FBXO36: variants seen among roughly 807,000 people sequenced by gnomAD.
FBXO36 encodes the protein F-box protein 36.
FBXO36 carries 18 observed loss-of-function variants against 17.0 expected under a neutral mutation model. The observed-to-expected ratio is 1.06, with a 90% CI of 0.73 to 1.57. The LOEUF (loss-of-function observed/expected upper bound fraction) is 1.57, where lower values mean the gene tolerates loss of function less well. FBXO36 is among the 40% of genes most tolerant of loss of function. The probability of loss-of-function intolerance (pLI) is 0.00; values close to 1 mark genes in which losing one functional copy is unlikely to be tolerated. For synonymous variants in FBXO36, 83 were observed against 85.3 expected, an observed-to-expected ratio of 0.97 and a Z score of 0.15; for missense variants, 229 against 221.9, an observed-to-expected ratio of 1.03 and a Z score of -0.20.
At chr2:229,977,591 C>T (rs779182660) in intron 2 of FBXO36, among the ~76,000 whole-genome samples, 131 of 152,084 alleles carry the variant, frequency 8.6e-4, no homozygotes, top group Admixed American at 7.2e-3. Flanking sequence ...GCTGGGATTA[C>T]GGGTGTACAC....
intron 3 of FBXO36, among the ~76,000 whole-genome samples, chr2:230,003,951 A>C (rs909551800): frequency 1.3e-5 from 2 of 152,062 alleles, no homozygotes; most frequent in African/African-American, 4.8e-5. Context: ...GCCATTTTAC[A>C]TTGTACTCTG....
At chr2:229,940,844 T>A (rs2076994312) in intron 1 of FBXO36, among the ~76,000 whole-genome samples, 1 of 152,116 alleles carries the variant, frequency 6.6e-6, no homozygotes, top group Non-Finnish European at 1.5e-5. Flanking sequence ...GAGAAATAAA[T>A]TCGTGTTGTT....
chr2:229,963,539 G>T (rs1246331315), intron 1 of FBXO36, among the ~76,000 whole-genome samples: 1 of 151,370 alleles, frequency 6.6e-6, no homozygotes, highest in Non-Finnish European at 1.5e-5. Flanking sequence ...CCGCCTCGTG[G>T]GTTCACACCA....
Position 230,011,126 on chromosome 2 carries a change from C to T in FBXO36, c.*242C>T. ...GACAAGGGCTGTAAGACAGGGAGCC[C>T]CATAGGCCATCATCATCCTTATCCC... is the stretch of plus-strand genomic sequence containing the variant. On this transcript the variant is annotated 3_prime_UTR_variant, in exon 4 of 4. Coordinates refer to ENST00000283946, the MANE Select transcript of FBXO36 (RefSeq NM_174899.5). 1 of 439,362 alleles carries T rather than the reference C, an allele frequency of 2.3e-6. No individual in the cohort carries two copies. The highest frequency in any genetic ancestry group is 4.1e-6 in the Non-Finnish European group (1 of 243,040). The allele number at this position is 439,362 out of a possible 1,614,324, so 27.2% of individuals were successfully genotyped here. A position where few individuals can be genotyped will look rare whatever the true frequency, so the allele number is the denominator to read the frequency against.
Position 229,931,918 on chromosome 2 carries a change from A to ATTTTTTTTTTTTTTTTTTTTT in FBXO36, c.96+9310_96+9311insTTTTTTTTTTTTTTTTTTTTT, listed in dbSNP as rs11441584. On this transcript the variant is annotated intron_variant, in intron 1 of 3. Coordinates refer to ENST00000283946, the MANE Select transcript of FBXO36 (RefSeq NM_174899.5). ...TGGTTTTTTGCTTGTATATGTGTAT[A>ATTTTTTTTTTTTTTTTTTTTT]TATTTTTTTTTTTTTTTAGACAGGG... Among the ~76,000 whole-genome samples the ATTTTTTTTTTTTTTTTTTTTT allele has an allele frequency of 1.4e-5, 2 of 142,770 alleles. 1 individual carries two copies. Among genetic ancestry groups the ATTTTTTTTTTTTTTTTTTTTT allele is most frequent in the Non-Finnish European group, 3.0e-5 (2 of 65,680 alleles). The allele number at this position is 142,770 out of a possible 152,430, so 93.7% of individuals were successfully genotyped here.
Position 229,943,029 on chromosome 2 carries a change from G to A in FBXO36, c.96+20420G>A. On this transcript the variant is annotated intron_variant, in intron 1 of 3. Transcript: ENST00000283946. ...CCTCAGTGTCTAGTAATGCAGAGAT[G>A]GGTCCACTCCCCAATCCAAGCCAAT... 1.3e-5 allele frequency: 2 copies of A among 152,234 alleles called. 1 individual carries two copies. Among genetic ancestry groups the A allele is most frequent in the East Asian group, 3.9e-4 (2 of 5,194 alleles). 9.4% of individuals were successfully genotyped at this position (152,234 alleles called of 1,614,324 possible).
intron 2 of FBXO36, among the ~76,000 whole-genome samples, chr2:229,989,728 T>A (rs1271218519): frequency 8.9e-5 from 1 of 11,192 alleles, no homozygotes; most frequent in African/African-American, 2.2e-4. Flanking sequence ...GCCTGGCTAA[T>A]TTTTTTTTTT....
At chr2:229,951,274 G>A (rs573765155) in intron 1 of FBXO36, among the ~76,000 whole-genome samples, 1 of 135,934 alleles carries the variant, frequency 7.4e-6, no homozygotes, top group East Asian at 2.3e-4. Context: ...ACGGAGTTTC[G>A]CTTTTGTTGC....
intron 3 of FBXO36, among the ~76,000 whole-genome samples, chr2:230,004,954 C>T (rs1025429011): frequency 2.6e-5 from 4 of 152,114 alleles, no homozygotes; most frequent in South Asian, 2.1e-4. Flanking sequence ...TGCAGTGAGC[C>T]GAGATTGACC....
chr2:229,954,023 G>A (rs747603351), intron 1 of FBXO36, among the ~76,000 whole-genome samples: 5 of 151,708 alleles, frequency 3.3e-5, no homozygotes, highest in Non-Finnish European at 5.9e-5. Flanking sequence ...GTGCCATCAC[G>A]CCAGCTAATT....
intron 1 of FBXO36, among the ~76,000 whole-genome samples, chr2:229,924,331 G>T (rs1307095193): frequency 6.6e-6 from 1 of 152,144 alleles, no homozygotes; most frequent in Non-Finnish European, 1.5e-5. Flanking sequence ...GACCTCAGGT[G>T]ATCCAGCTGC....
Position 229,996,764 on chromosome 2 carries a change from A to C in FBXO36, c.219A>C (p.Leu73Phe). The C allele has an allele frequency of 6.2e-7, 1 of 1,609,730 alleles. No homozygotes were observed. Among genetic ancestry groups the C allele is most frequent in the Non-Finnish European group, 8.5e-7 (1 of 1,179,056 alleles). ...ENSHLQGQTA[L>F]IFGARILDYV... Reference sequence around the variant, plus strand: ...TTTGAATTACAGGTCAAACTGCCTTAATATTTGGTGCAAGAATATTAGACT... The same window carrying C: ...TTTGAATTACAGGTCAAACTGCCTTCATATTTGGTGCAAGAATATTAGACT... The change falls in exon 3 of 4, where the codon TTA (leucine) becomes TTC (phenylalanine). Residue 73 changes from leucine (L) to phenylalanine (F), a missense_variant. Coordinates refer to ENST00000283946, the MANE Select transcript of FBXO36 (RefSeq NM_174899.5).
At chr2:229,922,663 G>A in intron 1 of FBXO36, 54 bp downstream of exon 1, 2 of 1,582,836 alleles carry the variant, frequency 1.3e-6, no homozygotes, top group Non-Finnish European at 1.7e-6. Context: ...TGGCCCGGTT[G>A]GGGCCCGGGA....
intron 1 of FBXO36, among the ~76,000 whole-genome samples, chr2:229,969,719 A>G (rs924887300): frequency 6.6e-6 from 1 of 152,140 alleles, no homozygotes; most frequent in Non-Finnish European, 1.5e-5. Flanking sequence ...TAAAATTGAT[A>G]AATTGGACTT....
At chr2:229,971,816 C>G (rs1197111220) in intron 1 of FBXO36, among the ~76,000 whole-genome samples, 3 of 151,574 alleles carry the variant, frequency 2.0e-5, no homozygotes, top group African/African-American at 7.3e-5. Context: ...AGCACAGACA[C>G]GCACCACCAA....
chr2:229,922,839 C>G (rs976187855), intron 1 of FBXO36, among the ~76,000 whole-genome samples: 2 of 152,196 alleles, frequency 1.3e-5, no homozygotes, highest in African/African-American at 2.4e-5. Context: ...CTCTGCCTCC[C>G]CGCGGTGCCG....
chr2:229,968,783 T>A (rs1046734528), intron 1 of FBXO36, among the ~76,000 whole-genome samples: 1 of 152,076 alleles, frequency 6.6e-6, no homozygotes, highest in Admixed American at 6.6e-5. Context: ...ATTATTATTA[T>A]TATTTTTTGA....
At chr2:229,953,600 G>A (rs942917405) in intron 1 of FBXO36, among the ~76,000 whole-genome samples, 3 of 150,872 alleles carry the variant, frequency 2.0e-5, no homozygotes, top group Non-Finnish European at 4.4e-5. Context: ...AGGATCACTT[G>A]AGCCCTGGCT....
At chr2:229,965,353 T>A (rs550070030) in intron 1 of FBXO36, among the ~76,000 whole-genome samples, 1 of 150,692 alleles carries the variant, frequency 6.6e-6, no homozygotes, top group Non-Finnish European at 1.5e-5. Flanking sequence ...TTTTTCTTTT[T>A]TATTTATTTA....
Sources: allele counts gnomAD v4.1 joint callset (sites outside exome capture counted in the v4.1 genomes callset), GRCh38; gene constraint gnomAD v4.1.1; transcripts MANE v1.5; gene names NCBI Gene and HGNC (gene_info 2026-07-23, HGNC 2026-07-21).